PDIA4: variants seen among roughly 807,000 people sequenced by gnomAD.
PDIA4 encodes protein disulfide-isomerase A4.
PDIA4 carries 33 observed loss-of-function variants against 62.1 expected under a neutral mutation model. The observed-to-expected ratio is 0.53, with a 90% CI of 0.40 to 0.71. The LOEUF (loss-of-function observed/expected upper bound fraction) is 0.71, where lower values mean the gene tolerates loss of function less well. PDIA4 is among the 30% of genes least tolerant of loss of function. PDIA4 has a pLI of 0.00. For missense variants in PDIA4, 804 were observed against 813.6 expected, an observed-to-expected ratio of 0.99 and a Z score of 0.14; for synonymous variants, 341 against 324.1, an observed-to-expected ratio of 1.05 and a Z score of -0.56.
At chr7:149,023,524 G>C (rs2129505706) in intron 1 of PDIA4, among the ~76,000 whole-genome samples, 1 of 152,104 alleles carries the variant, frequency 6.6e-6, no homozygotes, top group Admixed American at 6.5e-5. Flanking sequence ...GCCCCGGCTG[G>C]CAGTTAAGTA....
chr7:149,014,170 G>C (rs756449881), intron 4 of PDIA4, among the ~76,000 whole-genome samples: 23 of 152,160 alleles, frequency 1.5e-4, no homozygotes, highest in Non-Finnish European at 2.5e-4. Flanking sequence ...CCTGGAACAA[G>C]GGTGTCCTGG....
chr7:149,011,978 A>G lies in PDIA4; in HGVS notation c.847T>C (p.Ser283Pro), dbSNP rs754657819. Residue 283 changes from serine to proline, a missense_variant, in exon 6 of 10, where the codon TCC becomes CCC. Ser to Pro is a moderately conservative substitution (Grantham distance 74). Transcript: ENST00000652332. ...YGIVDYMIEQ[S>P]GPPSKEILTL... The stretch of plus-strand genomic sequence containing the variant: ...AGAATCTCCTTGGAGGGAGGCCCGG[A>G]CTGCTCGATCATGTAATCAACGATT... The G allele has an allele frequency of 6.2e-7, 1 of 1,600,586 alleles. No individual in the cohort carries two copies. The highest frequency in any genetic ancestry group is 8.5e-7 in the Non-Finnish European group (1 of 1,172,798).
intron 6 of PDIA4, among the ~76,000 whole-genome samples, chr7:149,008,701 A>G (rs914533390): frequency 6.6e-6 from 1 of 151,076 alleles, no homozygotes; most frequent in African/African-American, 2.5e-5. Flanking sequence ...ACAGAGTGAG[A>G]CTGTCTTTAA....
intron 1 of PDIA4, among the ~76,000 whole-genome samples, chr7:149,023,828 T>C (rs557103765): frequency 5.3e-5 from 8 of 152,174 alleles, no homozygotes; most frequent in Non-Finnish European, 8.8e-5. Context: ...TTCTTACCTA[T>C]GGTCGGCCTC....
In PDIA4 at chr7:149,008,238, G is replaced by C; in HGVS notation, c.1052C>G (p.Ser351Cys). The change falls in exon 7 of 10, where the codon TCC (serine) becomes TGC (cysteine). Residue 351 changes from serine to cysteine, a missense_variant. Transcript: ENST00000652332. ...STEIAKFLKV[S>C]QGQLVVMQPE... is the part of the protein sequence containing the mutation. Reference sequence around the variant, plus strand: ...CTGCATTACAACCAACTGCCCCTGGGAGACTTTCAAGAACTTTGCTATTTC... The same window carrying C: ...CTGCATTACAACCAACTGCCCCTGGCAGACTTTCAAGAACTTTGCTATTTC... 3 of 1,614,142 alleles carry C rather than the reference G, an allele frequency of 1.9e-6. No individual in the cohort carries two copies. Among genetic ancestry groups the C allele is most frequent in the Non-Finnish European group, 2.5e-6 (3 of 1,180,002 alleles).
At position 149,025,098 on chromosome 7, in the gene PDIA4, ATATATATATG is replaced by A. The variant is rs1423016392; in HGVS notation, c.88+3213_88+3222del. On this transcript the variant is annotated intron_variant, in intron 1 of 9. Coordinates refer to ENST00000652332, the MANE Select transcript of PDIA4 (RefSeq NM_004911.5). ...AAAAAAAAAAAAAATATATATATAT[ATATATATATG>A]TATGTCCAGAGCCTTTCAGCACCCT... Among the ~76,000 whole-genome samples the A allele has an allele frequency of 4.9e-4, 51 of 103,618 alleles. 2 individuals carry two copies. The highest frequency in any genetic ancestry group is 1.0e-3 in the African/African-American group (31 of 29,722). 68.0% of individuals were successfully genotyped at this position (103,618 alleles called of 152,430 possible).
At position 149,012,175 on chromosome 7, in the gene PDIA4, T is replaced by C; in HGVS notation, c.800A>G (p.Asn267Ser). ...CATACCATATTTTTCTCGTGGGCCGTTGTAGTCATAAGGCCTTCCTTTGCG... is the reference window on the plus strand; with the variant it reads ...CATACCATATTTTTCTCGTGGGCCGCTGTAGTCATAAGGCCTTCCTTTGCG... ...IFRKGRPYDY[N>S]GPREKYGIVD... The change falls in exon 5 of 10, where the codon AAC becomes AGC. Residue 267 changes from asparagine to serine, a missense_variant. Coordinates refer to ENST00000652332, the MANE Select transcript of PDIA4 (RefSeq NM_004911.5). 2 of 1,614,118 alleles carry C rather than the reference T, an allele frequency of 1.2e-6. No homozygotes were observed. Among genetic ancestry groups the C allele is most frequent in the Non-Finnish European group, 1.7e-6 (2 of 1,180,016 alleles).
intron 3 of PDIA4, 21 bp downstream of exon 3, chr7:149,018,971 C>A (rs779948829): frequency 6.4e-7 from 1 of 1,574,228 alleles, no homozygotes; most frequent in Non-Finnish European, 8.7e-7. Flanking sequence ...TCTTCCTCTA[C>A]GAGCTCAGGT....
chr7:149,004,729 T>C (rs1823679453), intron 9 of PDIA4, among the ~76,000 whole-genome samples: 2 of 152,222 alleles, frequency 1.3e-5, no homozygotes, highest in Non-Finnish European at 1.5e-5. Context: ...CTTTGCCCTG[T>C]CTGGGCTCCA....
At chr7:149,009,040 C>T (rs753154584) in intron 6 of PDIA4, among the ~76,000 whole-genome samples, 8 of 152,180 alleles carry the variant, frequency 5.3e-5, no homozygotes, top group Non-Finnish European at 1.2e-4. Context: ...AATTCTCCTT[C>T]CTGCCTCAGC....
At chr7:149,021,470 CAG>C (rs1286266132) in intron 1 of PDIA4, among the ~76,000 whole-genome samples, 1 of 115,410 alleles carries the variant, frequency 8.7e-6, no homozygotes, top group Non-Finnish European at 1.6e-5. Context: ...GCCTGGGTGA[CAG>C]AGTGACACTT....
intron 2 of PDIA4, among the ~76,000 whole-genome samples, chr7:149,020,320 A>G (rs1053156237): frequency 2.0e-5 from 3 of 152,202 alleles, no homozygotes; most frequent in African/African-American, 7.2e-5. Flanking sequence ...ACTGGACAAA[A>G]GTGAGTATAT....
rs746700045 is a variant in PDIA4 at position 149,006,061 on chromosome 7, A to C, written c.1132-8T>G. 6.4e-7 allele frequency: 1 copy of C among 1,553,866 alleles called. No individual in the cohort carries two copies. The highest frequency in any genetic ancestry group is 2.2e-5 in the Admixed American group (1 of 46,396). ...CGAGTCCTGGGTGGAGCCCTGCTTC[A>C]AAGAGGGAACAGGTGAGGGGGCCCA... On this transcript the variant is annotated splice_polypyrimidine_tract_variant and splice_region_variant and intron_variant, in intron 7 of 9. Transcript: ENST00000652332.
chr7:149,016,861 A>G (rs1224588736), intron 3 of PDIA4, among the ~76,000 whole-genome samples: 1 of 152,138 alleles, frequency 6.6e-6, no homozygotes, highest in Non-Finnish European at 1.5e-5. Context: ...CAGGGAAGAA[A>G]GACTATTCAT....
At chr7:149,016,476 T>G (rs1000752762) in intron 3 of PDIA4, among the ~76,000 whole-genome samples, 2 of 152,048 alleles carry the variant, frequency 1.3e-5, no homozygotes, top group African/African-American at 4.8e-5. Flanking sequence ...CACCTGCTTT[T>G]ATGCATACAA....
Position 149,005,349 on chromosome 7 carries a change from G to T in PDIA4, c.1314C>A (p.Val438=). 1 of 1,614,048 alleles carries T rather than the reference G, an allele frequency of 6.2e-7. No individual in the cohort carries two copies. Among genetic ancestry groups the T allele is most frequent in the Non-Finnish European group, 8.5e-7 (1 of 1,179,946 alleles). ...CAGGGAAGTCCTTGGCCACCTCTAG[G>T]ACTTTGCTCCGCCAAAACTGAGTTG... The part of the protein sequence containing the change: ...RAATQFWRSK[V]LEVAKDFPEY... Residue 438 remains valine (V), a synonymous_variant, in exon 9 of 10, where the codon GTC becomes GTA. Coordinates refer to ENST00000652332, the MANE Select transcript of PDIA4 (RefSeq NM_004911.5).
At chr7:149,006,886 G>A (rs1212361221) in intron 7 of PDIA4, among the ~76,000 whole-genome samples, 2 of 152,188 alleles carry the variant, frequency 1.3e-5, no homozygotes, top group Admixed American at 6.5e-5. Flanking sequence ...GAAGAACTGG[G>A]AGCAGCAGCA....
intron 1 of PDIA4, 195 bp downstream of exon 1, chr7:149,028,126 A>C: frequency 1.7e-6 from 1 of 591,054 alleles, no homozygotes; most frequent in Non-Finnish European, 3.0e-6. Context: ...GGAACCCCAA[A>C]TCGATCCTGC....
At chr7:149,007,508 A>T (rs1252105128) in intron 7 of PDIA4, among the ~76,000 whole-genome samples, 1 of 151,856 alleles carries the variant, frequency 6.6e-6, no homozygotes, top group Non-Finnish European at 1.5e-5. Context: ...CAAACTCGAC[A>T]TCTAAGATCC....
Sources: gnomAD v4.1 joint callset for allele counts (sites outside exome capture counted in the v4.1 genomes callset) on GRCh38, gnomAD v4.1.1 for gene constraint, MANE v1.5 for transcripts, NCBI Gene and HGNC (gene_info 2026-07-23, HGNC 2026-07-21) for gene names.